B3GALT1: variants seen among roughly 807,000 people sequenced by gnomAD.
The protein encoded by B3GALT1 is UDP-Gal:betaGlcNAc beta 1,3-galactosyltransferase, polypeptide 1.
A neutral mutation model predicts 23.2 loss-of-function variants in B3GALT1; 10 were observed. The observed-to-expected ratio is 0.43, with a 90% CI of 0.27 to 0.73. The LOEUF is 0.73. Ranked by LOEUF, B3GALT1 falls within the 30% of genes least tolerant of loss-of-function variation. B3GALT1 has a pLI of 0.21. For missense variants in B3GALT1, 299 were observed against 405.4 expected, an observed-to-expected ratio of 0.74 and a Z score of 2.25; for synonymous variants, 156 against 141.5, an observed-to-expected ratio of 1.10 and a Z score of -0.73.
intron 1 of B3GALT1, among the ~76,000 whole-genome samples, chr2:167,480,196 A>T (rs554749117): frequency 6.6e-6 from 1 of 152,340 alleles, no homozygotes; most frequent in African/African-American, 2.4e-5. Flanking sequence ...AGCAGACTTC[A>T]TGCCCCTCCC....
intron 2 of B3GALT1, among the ~76,000 whole-genome samples, chr2:167,640,247 A>G (rs1205173608): frequency 1.3e-5 from 2 of 152,024 alleles, no homozygotes; most frequent in African/African-American, 4.8e-5. Context: ...CACCTCAACT[A>G]TTGCCTCAGA....
At chr2:167,674,563 A>G (rs1686390024) in intron 3 of B3GALT1, among the ~76,000 whole-genome samples, 1 of 152,250 alleles carries the variant, frequency 6.6e-6, no homozygotes, top group Admixed American at 6.5e-5. Context: ...TTAACTAAAT[A>G]GTCCATCCAG....
intron 2 of B3GALT1, among the ~76,000 whole-genome samples, chr2:167,593,038 T>G (rs543700914): frequency 6.6e-6 from 1 of 152,270 alleles, no homozygotes; most frequent in Non-Finnish European, 1.5e-5. Context: ...ATACAGATAG[T>G]GTATAACTAG....
At chr2:167,417,168 T>C (rs150437853) in intron 1 of B3GALT1, among the ~76,000 whole-genome samples, 233 of 152,328 alleles carry the variant, frequency 1.5e-3, no homozygotes, top group African/African-American at 5.3e-3. Flanking sequence ...ATCCTCAATG[T>C]GGCAGTATTG....
chr2:167,494,219 A>C (rs1293625457), intron 2 of B3GALT1, among the ~76,000 whole-genome samples: 3 of 152,132 alleles, frequency 2.0e-5, no homozygotes, highest in African/African-American at 7.2e-5. Flanking sequence ...GAAGTGTATA[A>C]TTTTAAAATA....
intron 1 of B3GALT1, among the ~76,000 whole-genome samples, chr2:167,374,882 A>G (rs953115116): frequency 5.3e-5 from 8 of 151,934 alleles, no homozygotes; most frequent in South Asian, 2.1e-4. Context: ...TTTTGTTGCA[A>G]TTGCTTTTGA....
intron 1 of B3GALT1, among the ~76,000 whole-genome samples, chr2:167,440,695 CCT>C (rs1698868711): frequency 6.6e-6 from 1 of 150,568 alleles, no homozygotes; most frequent in African/African-American, 2.4e-5. Flanking sequence ...AATTATTTTT[CCT>C]CTCTGTTGGT....
At position 167,850,778 on chromosome 2, in the gene B3GALT1, G is replaced by A. The variant is rs571417441; in HGVS notation, c.-229-18033G>A. 2.6e-5 allele frequency among the ~76,000 whole-genome samples: 4 copies of A among 152,104 alleles called. No individual in the cohort carries two copies. In the South Asian group the frequency reaches 8.3e-4, roughly 32 times the overall value. On this transcript the variant is annotated intron_variant, in intron 4 of 4. Transcript: ENST00000392690. ...GGGAGCTAAGCTATAAGGATGTAAA[G>A]GCATAAGAATGATACAATGGACTTT...
At chr2:167,411,119 A>T (rs1006853005) in intron 1 of B3GALT1, among the ~76,000 whole-genome samples, 2 of 152,074 alleles carry the variant, frequency 1.3e-5, no homozygotes, top group Non-Finnish European at 2.9e-5. Context: ...ACATTCCAGA[A>T]CATTGGTCTA....
chr2:167,663,885 C>T (rs893949110), intron 3 of B3GALT1, among the ~76,000 whole-genome samples: 41 of 151,654 alleles, frequency 2.7e-4, no homozygotes, highest in Admixed American at 1.2e-3. Context: ...GAGTAGGTTG[C>T]GAAAATTTTC....
intron 1 of B3GALT1, among the ~76,000 whole-genome samples, chr2:167,344,032 T>G (rs756377900): frequency 2.6e-5 from 4 of 152,178 alleles, no homozygotes; most frequent in Admixed American, 2.6e-4. Context: ...ATGGGGTGAC[T>G]ATTGTCTACC....
chr2:167,566,324 G>T (rs1317940170), intron 2 of B3GALT1, among the ~76,000 whole-genome samples: 1 of 151,540 alleles, frequency 6.6e-6, no homozygotes, highest in African/African-American at 2.4e-5. Flanking sequence ...ACACAGGAAG[G>T]GGAACATCAC....
intron 2 of B3GALT1, among the ~76,000 whole-genome samples, chr2:167,530,088 C>T (rs1683300963): frequency 6.6e-6 from 1 of 152,132 alleles, no homozygotes; most frequent in Non-Finnish European, 1.5e-5. Flanking sequence ...CTTCCTTGAT[C>T]ATGAAAGCCA....
At chr2:167,312,195 C>T (rs1338631983) in intron 1 of B3GALT1, among the ~76,000 whole-genome samples, 1 of 151,700 alleles carries the variant, frequency 6.6e-6, no homozygotes, top group Non-Finnish European at 1.5e-5. Context: ...GGAAAATTAT[C>T]CCAGAGACGT....
chr2:167,413,382 TGTTAA>T (rs1698420948), intron 1 of B3GALT1, among the ~76,000 whole-genome samples: 1 of 152,094 alleles, frequency 6.6e-6, no homozygotes, highest in Admixed American at 6.5e-5. Context: ...TAACAGTGGT[TGTTAA>T]GTTATATTTT....
At chr2:167,594,331 T>C (rs895774550) in intron 2 of B3GALT1, among the ~76,000 whole-genome samples, 6 of 152,204 alleles carry the variant, frequency 3.9e-5, no homozygotes, top group Non-Finnish European at 8.8e-5. Flanking sequence ...TGTATACTTC[T>C]ATAAATTTCT....
At chr2:167,561,798 A>G (rs1370549724) in intron 2 of B3GALT1, among the ~76,000 whole-genome samples, 1 of 152,250 alleles carries the variant, frequency 6.6e-6, no homozygotes, top group Non-Finnish European at 1.5e-5. Context: ...AGGATCTGAA[A>G]TTGTGGCAAT....
Position 167,716,889 on chromosome 2 carries a change from A to G in B3GALT1, c.-352+69923A>G, listed in dbSNP as rs138735915. Among the ~76,000 whole-genome samples the G allele has an allele frequency of 3.9e-5, 6 of 152,284 alleles. No individual in the cohort carries two copies. The East Asian group carries it at 1.2e-3, about 29-fold the overall frequency. On this transcript the variant is annotated intron_variant, in intron 3 of 4. Coordinates refer to ENST00000392690, the MANE Select transcript of B3GALT1 (RefSeq NM_020981.4). ...GTGTATATTCCTTTATATATACATTATCACAGTCAATTGGTATCATCTTTA... is the reference window on the plus strand; with the variant it reads ...GTGTATATTCCTTTATATATACATTGTCACAGTCAATTGGTATCATCTTTA...
At chr2:167,711,810 CA>C (rs903104951) in intron 3 of B3GALT1, among the ~76,000 whole-genome samples, 1 of 151,682 alleles carries the variant, frequency 6.6e-6, no homozygotes, top group African/African-American at 2.4e-5. Context: ...CCTAAAAATA[CA>C]AAAAAAATTA....
Sources: gnomAD v4.1 joint callset for allele counts (sites outside exome capture counted in the v4.1 genomes callset) on GRCh38, gnomAD v4.1.1 for gene constraint, MANE v1.5 for transcripts, NCBI Gene and HGNC (gene_info 2026-07-23, HGNC 2026-07-21) for gene names.